NOX5: variants seen among roughly 807,000 people sequenced by gnomAD.
The protein encoded by NOX5 is NADPH oxidase, EF-hand calcium binding domain 5.
In NOX5, 76 loss-of-function variants were observed where a neutral mutation model predicts 85.7. That is an observed-to-expected ratio of 0.89 (90% CI 0.74 to 1.07). The LOEUF is 1.07. Ranked by LOEUF, NOX5 falls within the 50% of genes least tolerant of loss-of-function variation. The pLI is 0.00. For synonymous variants in NOX5, 405 were observed against 401.4 expected (o/e 1.01, Z -0.11); for missense variants, 973 against 999.5 (o/e 0.97, Z 0.36).
At chr15:69,038,451 TGGAA>T in intron 8 of NOX5, 1 of 261,018 alleles carries the variant, frequency 3.8e-6, no homozygotes, top group Non-Finnish European at 7.4e-6. Context: ...AGCAATTGTC[TGGAA>T]AGATGTTGTT....
chr15:69,051,273 A>G (rs1386370437), intron 14 of NOX5, among the ~76,000 whole-genome samples: 1 of 152,174 alleles, frequency 6.6e-6, no homozygotes, highest in East Asian at 1.9e-4. Context: ...CTCAGCAATG[A>G]TAGTCCCGTG....
At chr15:69,045,108 C>T (rs1323581280) in intron 10 of NOX5, among the ~76,000 whole-genome samples, 1 of 152,232 alleles carries the variant, frequency 6.6e-6, no homozygotes, top group Non-Finnish European at 1.5e-5. Context: ...CTTATCTTCC[C>T]AGGGATCGTG....
At chr15:69,045,529 CTTTCTTT>C (rs1422878975) in intron 10 of NOX5, among the ~76,000 whole-genome samples, 4 of 92,736 alleles carry the variant, frequency 4.3e-5, no homozygotes, top group Non-Finnish European at 8.8e-5. Context: ...CTTTCTCTTC[CTTTCTTT>C]TTTCTTTCTT....
rs978402253 is a variant in NOX5, at chr15:69,058,879, T to C, written c.*2183T>C. ...CTAAAGAGGGTGTTCTGACTTAAGG[T>C]TGGAGGATGTAAACAGGCTGTGCCA... On this transcript the variant is annotated 3_prime_UTR_variant, in exon 16 of 16. Transcript: ENST00000388866. 1 of 152,202 alleles carries C rather than the reference T, an allele frequency of 6.6e-6. No individual in the cohort carries two copies. Among genetic ancestry groups the C allele is most frequent in the African/African-American group, 2.4e-5 (1 of 41,432 alleles). 9.4% of individuals were successfully genotyped at this position (152,202 alleles called of 1,614,324 possible). A position where few individuals can be genotyped will look rare whatever the true frequency, so the allele number is the denominator to read the frequency against.
intron 9 of NOX5, among the ~76,000 whole-genome samples, chr15:69,042,108 G>A (rs553799746): frequency 6.6e-5 from 10 of 151,524 alleles, no homozygotes; most frequent in Admixed American, 2.0e-4. Flanking sequence ...GTTCAAAGCA[G>A]GAGATCTCTT....
At chr15:69,047,195 G>C in intron 11 of NOX5, 1 of 622,960 alleles carries the variant, frequency 1.6e-6, no homozygotes, top group Non-Finnish European at 2.7e-6. Flanking sequence ...GTTTTCACTA[G>C]CTCTGCACTG....
At chr15:69,054,069 A>C (rs1214972667) in intron 14 of NOX5, among the ~76,000 whole-genome samples, 1 of 152,250 alleles carries the variant, frequency 6.6e-6, no homozygotes, top group South Asian at 2.1e-4. Context: ...GAAGAGAGGG[A>C]GAGGAGAAGG....
intron 9 of NOX5, among the ~76,000 whole-genome samples, chr15:69,042,188 A>C (rs1167243696): frequency 1.3e-5 from 2 of 152,140 alleles, no homozygotes; most frequent in Non-Finnish European, 2.9e-5. Flanking sequence ...GTCACCTCAC[A>C]CCACATTTCC....
At chr15:69,024,929 T>A (rs12443247) in intron 1 of NOX5, among the ~76,000 whole-genome samples, 12,958 of 152,260 alleles carry the variant, frequency 0.085, 805 homozygotes, top group East Asian at 0.22. Flanking sequence ...TACTTACATG[T>A]GTGTGATATG....
chr15:69,024,984 T>G (rs1209906416), intron 1 of NOX5, among the ~76,000 whole-genome samples: 1 of 152,198 alleles, frequency 6.6e-6, no homozygotes, highest in African/African-American at 2.4e-5. Flanking sequence ...CTATTACATT[T>G]ATTTTTAATA....
At chr15:69,047,698 G>T in intron 12 of NOX5, 132 bp from the exon 13 acceptor site, 2 of 1,290,758 alleles carry the variant, frequency 1.5e-6, no homozygotes, top group Non-Finnish European at 1.1e-6. Flanking sequence ...TCCTTTTTGT[G>T]TCTCATCCCT....
Position 69,025,915 on chromosome 15 carries a change from C to T in NOX5, c.51-613C>T, listed in dbSNP as rs370106559. Among the ~76,000 whole-genome samples the T allele has an allele frequency of 3.9e-5, 6 of 152,280 alleles. No individual in the cohort carries two copies. The East Asian group carries it at 7.7e-4, about 20-fold the overall frequency. ...CAACCTGGGCCTGAAGAGTTAAGAC[C>T]TGAGGGCTGAATCCTGGCTTGATCC... On this transcript the variant is annotated intron_variant, in intron 1 of 15. Coordinates refer to ENST00000388866, the MANE Select transcript of NOX5 (RefSeq NM_024505.4).
intron 1 of NOX5, among the ~76,000 whole-genome samples, chr15:69,015,037 A>T (rs1249339055): frequency 6.6e-6 from 1 of 152,210 alleles, no homozygotes; most frequent in African/African-American, 2.4e-5. Flanking sequence ...CAGCATTTGT[A>T]CAATGCTTTC....
At chr15:69,035,538 G>A in intron 6 of NOX5, 31 bp downstream of exon 6, 3 of 1,611,078 alleles carry the variant, frequency 1.9e-6, no homozygotes, top group Middle Eastern at 1.7e-4. Flanking sequence ...TTGGGTCGGG[G>A]AGAAGCTTGA....
rs1395871936 is a variant in NOX5 at position 69,026,575 on chromosome 15, A to G, written c.98A>G (p.Gln33Arg). The G allele has an allele frequency of 1.2e-6, 2 of 1,614,224 alleles. No individual in the cohort carries two copies. Among genetic ancestry groups the G allele is most frequent in the Admixed American group, 1.7e-5 (1 of 60,030 alleles). ...EDARWLRWVT[Q>R]QFKTIAGEDG... ...GCCAGGTGGCTCCGGTGGGTGACTCAGCAGTTTAAGACCATTGCAGGAGAA... is the reference window on the plus strand; with the variant it reads ...GCCAGGTGGCTCCGGTGGGTGACTCGGCAGTTTAAGACCATTGCAGGAGAA... Residue 33 changes from glutamine (Q) to arginine (R), a missense_variant, in exon 2 of 16, where the codon CAG (glutamine) becomes CGG (arginine). Gln to Arg is a conservative substitution (Grantham distance 43, BLOSUM62 1). Coordinates refer to ENST00000388866, the MANE Select transcript of NOX5 (RefSeq NM_024505.4).
At position 69,026,612 on chromosome 15, in the gene NOX5, C is replaced by T; in HGVS notation, c.135C>T (p.Ile45=). 1 of 1,614,176 alleles carries T rather than the reference C, an allele frequency of 6.2e-7. No individual in the cohort carries two copies. Among genetic ancestry groups the T allele is most frequent in the South Asian group, 1.1e-5 (1 of 91,080 alleles). The part of the protein sequence containing the change: ...FKTIAGEDGE[I]SLQEFKAALH... The stretch of plus-strand genomic sequence containing the variant: ...CCATTGCAGGAGAAGATGGGGAGAT[C>T]AGCCTGCAAGAATTCAAAGCAGCTC... The change falls in exon 2 of 16, where the codon ATC becomes ATT. Residue 45 remains isoleucine (I), a synonymous_variant. Coordinates refer to ENST00000388866, the MANE Select transcript of NOX5 (RefSeq NM_024505.4).
intron 14 of NOX5, among the ~76,000 whole-genome samples, chr15:69,052,088 T>A (rs934438825): frequency 6.6e-6 from 1 of 152,034 alleles, no homozygotes; most frequent in Non-Finnish European, 1.5e-5. Context: ...CATGGTGGTA[T>A]GCACCTGTAG....
At chr15:69,035,297 A>G in intron 5 of NOX5, 57 bp from the exon 6 acceptor site, 2 of 1,578,728 alleles carry the variant, frequency 1.3e-6, no homozygotes, top group Non-Finnish European at 8.6e-7. Context: ...TGGCTGGGAA[A>G]AGAGGACAAG....
chr15:69,060,436 A>T lies in NOX5; in HGVS notation c.*3740A>T, dbSNP rs1221754589. ...TCTGCTGTGTGACCTTGGGTGTATC[A>T]TTTGACCTCTCTGAGTTCTCACTTT... On this transcript the variant is annotated 3_prime_UTR_variant, in exon 16 of 16. Transcript: ENST00000388866. 1 of 152,224 alleles carries T rather than the reference A, an allele frequency of 6.6e-6. No homozygotes were observed. Among genetic ancestry groups the T allele is most frequent in the Non-Finnish European group, 1.5e-5 (1 of 68,040 alleles). The allele number at this position is 152,224 out of a possible 1,614,324, so 9.4% of individuals were successfully genotyped here.
Sources: allele counts gnomAD v4.1 joint callset (sites outside exome capture counted in the v4.1 genomes callset), GRCh38; gene constraint gnomAD v4.1.1; transcripts MANE v1.5; gene names NCBI Gene and HGNC (gene_info 2026-07-23, HGNC 2026-07-21).